Variants in SKI observed in about 807,000 individuals in gnomAD.
SKI encodes the protein SKI proto-oncogene, also known as ski oncogene.
Under a neutral mutation model 59.3 loss-of-function variants are expected in SKI, and 23 were observed. The ratio of observed to expected loss-of-function variants is 0.39; its 90% CI spans 0.28 to 0.55. SKI has a LOEUF of 0.55. Among genes scored for constraint, SKI ranks in the 20% least tolerant of loss-of-function variants. SKI has a pLI of 0.67. For missense variants in SKI, 1,017 were observed against 1,038.9 expected (o/e 0.98, Z 0.29); for synonymous variants, 673 against 488.6 (o/e 1.38, Z -4.98).
At chr1:2,243,135 T>C (rs1638916672) in intron 1 of SKI, among the ~76,000 whole-genome samples, 1 of 152,240 alleles carries the variant, frequency 6.6e-6, no homozygotes, top group African/African-American at 2.4e-5. Flanking sequence ...GGGCCAGCCC[T>C]GTGGTATTTT....
intron 1 of SKI, among the ~76,000 whole-genome samples, chr1:2,283,106 G>A (rs1342895769): frequency 6.6e-6 from 1 of 152,242 alleles, no homozygotes; most frequent in Non-Finnish European, 1.5e-5. Context: ...TGGCCAGGGA[G>A]GCGCCCCCAC....
chr1:2,254,316 C>T (rs559493860), intron 1 of SKI, among the ~76,000 whole-genome samples: 6 of 152,242 alleles, frequency 3.9e-5, no homozygotes, highest in East Asian at 3.9e-4. Flanking sequence ...TGGGAGGGCT[C>T]GGCTCTGCTC....
At chr1:2,290,529 C>G (rs1261026079) in intron 1 of SKI, among the ~76,000 whole-genome samples, 1 of 130,798 alleles carries the variant, frequency 7.6e-6, no homozygotes, top group Non-Finnish European at 1.8e-5. Context: ...CCCAGAACAA[C>G]AGTTGGCGGG....
chr1:2,306,109 C>G lies in SKI; in HGVS notation c.1857C>G (p.Leu619=). The change falls in exon 6 of 7, where the codon CTC becomes CTG. Residue 619 remains leucine, a synonymous_variant. Transcript: ENST00000378536. ...ACCTGCGGAAGGAGATCGAGCGTCT[C>G]CGCGCCGAGAACGAGAAGAAGATGA... ...KRNLRKEIER[L]RAENEKKMKE... is the part of the protein sequence containing the mutation. 1.3e-6 allele frequency: 2 copies of G among 1,599,626 alleles called. No homozygotes were observed. The highest frequency in any genetic ancestry group is 1.7e-6 in the Non-Finnish European group (2 of 1,174,538).
At chr1:2,255,811 G>A (rs1328447350) in intron 1 of SKI, among the ~76,000 whole-genome samples, 1 of 150,014 alleles carries the variant, frequency 6.7e-6, no homozygotes, top group Non-Finnish European at 1.5e-5. Flanking sequence ...TCCTGTTTGT[G>A]CCACCCTTTG....
chr1:2,254,057 CAT>C (rs946734191), intron 1 of SKI, among the ~76,000 whole-genome samples: 14 of 152,260 alleles, frequency 9.2e-5, no homozygotes, highest in African/African-American at 2.2e-4. Flanking sequence ...GGAGCTGCCT[CAT>C]GTGGCTCTTG....
intron 1 of SKI, among the ~76,000 whole-genome samples, chr1:2,277,420 G>T (rs1569791859): frequency 6.6e-6 from 1 of 152,090 alleles, no homozygotes; most frequent in South Asian, 2.1e-4. Context: ...TCTCGTGATA[G>T]TGAGTAAGTC....
At chr1:2,304,945 T>C (rs1640529630) in intron 5 of SKI, among the ~76,000 whole-genome samples, 1 of 152,144 alleles carries the variant, frequency 6.6e-6, no homozygotes, top group Non-Finnish European at 1.5e-5. Flanking sequence ...GCAGAAAGAG[T>C]TGGGAGCAGC....
intron 1 of SKI, among the ~76,000 whole-genome samples, chr1:2,288,878 C>T (rs953532779): frequency 6.6e-6 from 1 of 152,216 alleles, no homozygotes; most frequent in Non-Finnish European, 1.5e-5. Context: ...CCCCCCGCCA[C>T]GTGTGTGAGG....
intron 1 of SKI, among the ~76,000 whole-genome samples, chr1:2,296,226 A>C (rs1205413755): frequency 2.9e-5 from 4 of 138,998 alleles, no homozygotes; most frequent in Admixed American, 7.2e-5. Context: ...GAAAAAAAAC[A>C]AAAAAAAAAA....
intron 1 of SKI, among the ~76,000 whole-genome samples, chr1:2,230,465 A>T (rs1482461411): frequency 6.6e-6 from 1 of 152,188 alleles, no homozygotes; most frequent in East Asian, 1.9e-4. Flanking sequence ...GGGCCTGGTC[A>T]GCAGGCTCCT....
intron 1 of SKI, among the ~76,000 whole-genome samples, chr1:2,285,707 G>T (rs1006941142): frequency 6.0e-5 from 9 of 150,980 alleles, no homozygotes; most frequent in African/African-American, 1.9e-4. Flanking sequence ...GGGATTACAG[G>T]TGCCCGCCAC....
chr1:2,277,034 A>G (rs970881629), intron 1 of SKI, among the ~76,000 whole-genome samples: 3 of 152,202 alleles, frequency 2.0e-5, no homozygotes, highest in East Asian at 1.9e-4. Context: ...GGTTGCTTCC[A>G]TGGAGCTGGG....
At chr1:2,253,212 G>A (rs919708213) in intron 1 of SKI, among the ~76,000 whole-genome samples, 6 of 152,150 alleles carry the variant, frequency 3.9e-5, no homozygotes, top group Non-Finnish European at 8.8e-5. Flanking sequence ...AGCCTCCCCT[G>A]TGGAGTCTGG....
intron 1 of SKI, among the ~76,000 whole-genome samples, chr1:2,236,733 C>T (rs569621038): frequency 1.3e-5 from 2 of 152,164 alleles, no homozygotes; most frequent in Non-Finnish European, 2.9e-5. Context: ...GAAATTGGTT[C>T]ACCGTCTTCT....
intron 1 of SKI, among the ~76,000 whole-genome samples, chr1:2,299,125 C>G (rs1640360152): frequency 6.6e-6 from 1 of 152,272 alleles, no homozygotes; most frequent in Non-Finnish European, 1.5e-5. Flanking sequence ...AAGGAAGCGA[C>G]CGTCAGCGCC....
intron 5 of SKI, 94 bp downstream of exon 5, chr1:2,304,679 C>T (rs1163264222): frequency 3.4e-6 from 5 of 1,456,898 alleles, no homozygotes; most frequent in Non-Finnish European, 4.5e-6. Context: ...CTCCTCCCTT[C>T]CTGGCTGCCC....
chr1:2,307,051 TTTTGTTATAAGCTA>T lies in SKI; in HGVS notation c.*290_*303del, dbSNP rs1640609490. On this transcript the variant is annotated 3_prime_UTR_variant, in exon 7 of 7. Transcript: ENST00000378536. ...TGCTGGAACATTCTAACATTTACACTTTTGTTATAAGCTATTTAAAACCAGTAAGGAGACTTGAA... is the reference window on the plus strand; with the variant it reads ...TGCTGGAACATTCTAACATTTACACTTTTAAAACCAGTAAGGAGACTTGAA... The T allele has an allele frequency of 1.2e-5, 3 of 244,456 alleles. No individual in the cohort carries two copies. In the Admixed American group the frequency reaches 1.7e-4, roughly 14 times the overall value. 15.1% of individuals were successfully genotyped at this position (244,456 alleles called of 1,614,324 possible).
chr1:2,243,306 C>T (rs893370828), intron 1 of SKI, among the ~76,000 whole-genome samples: 21 of 152,258 alleles, frequency 1.4e-4, no homozygotes, highest in Non-Finnish European at 2.9e-4. Flanking sequence ...GTGTGCTCCG[C>T]GTACCACCTG....
Sources: gnomAD v4.1 joint callset for allele counts (sites outside exome capture counted in the v4.1 genomes callset) on GRCh38, gnomAD v4.1.1 for gene constraint, MANE v1.5 for transcripts, NCBI Gene and HGNC (gene_info 2026-07-23, HGNC 2026-07-21) for gene names.